Variants in CACNA1S observed in about 807,000 individuals in gnomAD.
The protein encoded by CACNA1S is voltage-dependent L-type calcium channel subunit alpha-1S.
CACNA1S carries 126 observed loss-of-function variants against 207.4 expected under a neutral mutation model. That is an observed-to-expected ratio of 0.61 (90% CI 0.53 to 0.70). The LOEUF is 0.70. Among genes scored for constraint, CACNA1S ranks in the 30% least tolerant of loss-of-function variants. The probability of loss-of-function intolerance (pLI) is 0.00; values close to 1 mark genes in which losing one functional copy is unlikely to be tolerated. For missense variants in CACNA1S, 2,349 were observed against 2,422.8 expected (o/e 0.97, Z 0.64); for synonymous variants, 960 against 932.7 (o/e 1.03, Z -0.53).
chr1:201,067,184 A>T (rs372130540), intron 19 of CACNA1S, among the ~76,000 whole-genome samples, 191 bp from the exon 20 acceptor site: 4 of 152,226 alleles, frequency 2.6e-5, no homozygotes, highest in African/African-American at 9.7e-5. Context: ...AGTTGTTGAA[A>T]TGTGAGGACT....
intron 1 of CACNA1S, among the ~76,000 whole-genome samples, chr1:201,110,776 T>C (rs900292366): frequency 2.0e-5 from 3 of 152,174 alleles, no homozygotes; most frequent in African/African-American, 7.2e-5. Context: ...CAGAGCCATG[T>C]GCACATGCTG....
In CACNA1S at chr1:201,093,997, T is replaced by C. The variant is rs1558082384; in HGVS notation, c.283A>G (p.Ile95Val). The change falls in exon 3 of 44, where the codon ATT becomes GTT. Residue 95 changes from isoleucine to valine, a missense_variant. Ile to Val is a conservative substitution (Grantham distance 29). Coordinates refer to ENST00000362061, the MANE Select transcript of CACNA1S (RefSeq NM_000069.3). Reference protein sequence around the residue: ...GLEKLEYFFLIVFSIEAAMKI... With the variant: ...GLEKLEYFFLVVFSIEAAMKI... ...ATGGCGGCTTCAATCGAGAAGACAA[T>C]GAGGAAGAAATACTCCAGCTTCTCC... 2 of 1,614,134 alleles carry C rather than the reference T, an allele frequency of 1.2e-6. No individual in the cohort carries two copies. Among genetic ancestry groups the C allele is most frequent in the African/African-American group, 1.3e-5 (1 of 75,034 alleles).
intron 27 of CACNA1S, 53 bp downstream of exon 27, chr1:201,059,136 G>A: frequency 1.7e-6 from 2 of 1,162,218 alleles, no homozygotes; most frequent in Non-Finnish European, 2.6e-6. Flanking sequence ...CCACTGGAAG[G>A]TCCCACCCAC....
chr1:201,103,416 A>AAAGGCTTTCCTCC (rs148656157), intron 2 of CACNA1S, among the ~76,000 whole-genome samples: 5 of 151,788 alleles, frequency 3.3e-5, no homozygotes, highest in Non-Finnish European at 7.4e-5. Flanking sequence ...AAGCTTGGGC[A>AAAGGCTTTCCTCC]AAGGCTTTCC....
chr1:201,090,123 C>A (rs911415134), intron 5 of CACNA1S, among the ~76,000 whole-genome samples: 8 of 152,188 alleles, frequency 5.3e-5, no homozygotes, highest in Non-Finnish European at 1.0e-4. Context: ...AACACCCTGC[C>A]TTACCCATAT....
At chr1:201,059,449 G>GCTGTTTTAGCTCAGAAAACTAGAAT in intron 26 of CACNA1S, 150 bp from the exon 27 acceptor site, 1 of 586,308 alleles carries the variant, frequency 1.7e-6, no homozygotes, top group East Asian at 2.9e-5. Context: ...AAAACTAGAA[G>GCTGTTTTAGCTCAGAAAACTAGAAT]CTGCTTTAGC....
rs1414631765 is a variant in CACNA1S, at chr1:201,069,124, A to G, written c.2550+13T>C. On this transcript the variant is annotated intron_variant, in intron 19 of 43. Coordinates refer to ENST00000362061, the MANE Select transcript of CACNA1S (RefSeq NM_000069.3). The stretch of plus-strand genomic sequence containing the variant: ...AACTCCCTCCCCAGGGCTGCCCCAC[A>G]GCCTTCACTCACCTTGAGGACAATC... 1.9e-6 allele frequency: 3 copies of G among 1,612,844 alleles called. No homozygotes were observed. The highest frequency in any genetic ancestry group is 1.7e-5 in the Admixed American group (1 of 60,026).
At position 201,065,906 on chromosome 1, in the gene CACNA1S, C is replaced by T. The variant is rs146903750; in HGVS notation, c.2785G>A (p.Gly929Arg). The T allele has an allele frequency of 2.2e-5, 35 of 1,613,882 alleles. No homozygotes were observed. The highest frequency in any genetic ancestry group is 2.5e-5 in the Non-Finnish European group (29 of 1,179,952). Residue 929 changes from glycine (G) to arginine (R), a missense_variant, in exon 22 of 44, where the codon GGG (glycine) becomes AGG (arginine). Coordinates refer to ENST00000362061, the MANE Select transcript of CACNA1S (RefSeq NM_000069.3). ...QCMFVAISTI[G>R]NIVLVTTLLQ... ...AGGGTAGTGACCAGCACGATGTTCC[C>T]GATGGTGCTGATGGCCACGAACATG... is the stretch of plus-strand genomic sequence containing the variant.
At chr1:201,058,879 G>C (rs1332168714) in intron 27 of CACNA1S, among the ~76,000 whole-genome samples, 1 of 152,194 alleles carries the variant, frequency 6.6e-6, no homozygotes, top group African/African-American at 2.4e-5. Context: ...ACTTGAGAAC[G>C]AAAGAGACAA....
chr1:201,080,074 A>G (rs1661787703), intron 10 of CACNA1S, among the ~76,000 whole-genome samples: 1 of 151,758 alleles, frequency 6.6e-6, no homozygotes, highest in Non-Finnish European at 1.5e-5. Flanking sequence ...TTGAGTATAC[A>G]CTCTCCCCTG....
At chr1:201,080,993 T>A (rs1214244678) in intron 10 of CACNA1S, among the ~76,000 whole-genome samples, 1 of 152,204 alleles carries the variant, frequency 6.6e-6, no homozygotes, top group East Asian at 1.9e-4. Context: ...TGATAGGATT[T>A]TGATTTTTCA....
At chr1:201,112,057 C>T (rs917157896) in intron 1 of CACNA1S, 131 bp downstream of exon 1, 4 of 782,370 alleles carry the variant, frequency 5.1e-6, no homozygotes, top group Non-Finnish European at 7.9e-6. Flanking sequence ...TCACTCAATT[C>T]TGTGAGTTCA....
chr1:201,089,628 A>G (rs570400402), intron 5 of CACNA1S, among the ~76,000 whole-genome samples, 165 bp from the exon 6 acceptor site: 65 of 152,364 alleles, frequency 4.3e-4, no homozygotes, highest in African/African-American at 1.4e-3. Flanking sequence ...GACAGTGAAG[A>G]GGAATGCCTT....
intron 24 of CACNA1S, 30 bp from the exon 25 acceptor site, chr1:201,061,498 C>G (rs773392645): frequency 6.2e-7 from 1 of 1,602,570 alleles, no homozygotes; most frequent in Non-Finnish European, 8.5e-7. Flanking sequence ...AGAGGACAGA[C>G]TGGGTGGGGT....
chr1:201,100,999 A>C (rs1476240942), intron 2 of CACNA1S, among the ~76,000 whole-genome samples: 1 of 152,200 alleles, frequency 6.6e-6, no homozygotes, highest in East Asian at 1.9e-4. Flanking sequence ...GGATACTCTC[A>C]ATAGTATTAA....
chr1:201,081,230 C>T (rs1661829448), intron 10 of CACNA1S, among the ~76,000 whole-genome samples: 1 of 152,198 alleles, frequency 6.6e-6, no homozygotes, highest in African/African-American at 2.4e-5. Context: ...AGGGTTTAGG[C>T]CTAGGCCTAA....
At chr1:201,048,733 G>T in intron 35 of CACNA1S, 49 bp from the exon 36 acceptor site, 1 of 1,531,310 alleles carries the variant, frequency 6.5e-7, no homozygotes, top group Non-Finnish European at 9.0e-7. Context: ...ACCAGGCCAA[G>T]CTTGGCAAGT....
chr1:201,084,144 T>C (rs535453812), intron 9 of CACNA1S, among the ~76,000 whole-genome samples: 1 of 152,364 alleles, frequency 6.6e-6, no homozygotes, highest in African/African-American at 2.4e-5. Context: ...TAATCCTTTA[T>C]TGGATTATCC....
In CACNA1S at chr1:201,039,649, C is replaced by T. The variant is rs1043145299; in HGVS notation, c.*182G>A. ...TGCCTCTTGCTGGTGAGGGGCAGGGCCTGTCCAGCTACTTCCTCCGCACTT... is the reference window on the plus strand; with the variant it reads ...TGCCTCTTGCTGGTGAGGGGCAGGGTCTGTCCAGCTACTTCCTCCGCACTT... On this transcript the variant is annotated 3_prime_UTR_variant, in exon 44 of 44. Transcript: ENST00000362061. 1.1e-5 allele frequency: 8 copies of T among 705,738 alleles called. No individual in the cohort carries two copies. In the East Asian group the frequency reaches 2.1e-4, roughly 19 times the overall value. 43.7% of individuals were successfully genotyped at this position (705,738 alleles called of 1,614,324 possible).
Sources: gnomAD v4.1 joint callset for allele counts (sites outside exome capture counted in the v4.1 genomes callset) on GRCh38, gnomAD v4.1.1 for gene constraint, MANE v1.5 for transcripts, NCBI Gene and HGNC (gene_info 2026-07-23, HGNC 2026-07-21) for gene names.